GRID1: variants seen among roughly 807,000 people sequenced by gnomAD.
GRID1 encodes glutamate ionotropic receptor delta type subunit 1, also known as glutamate receptor ionotropic, delta-1.
A neutral mutation model predicts 98.0 loss-of-function variants in GRID1; 28 were observed. That is an observed-to-expected ratio of 0.29 (90% CI 0.21 to 0.39). The LOEUF (loss-of-function observed/expected upper bound fraction) is 0.39. Among genes scored for constraint, GRID1 ranks in the 10% least tolerant of loss-of-function variants. The pLI is 1.00. For synonymous variants in GRID1, 553 were observed against 538.5 expected (o/e 1.03, Z -0.37); for missense variants, 1,111 against 1,340.5 (o/e 0.83, Z 2.67).
chr10:86,332,047 C>T lies in GRID1; in HGVS notation c.235+31894G>A, dbSNP rs1203238696. 2.0e-5 allele frequency among the ~76,000 whole-genome samples: 3 copies of T among 152,218 alleles called. No individual in the cohort carries two copies. The East Asian group carries it at 5.8e-4, about 29-fold the overall frequency. ...GGCTCAGGGCACGCCTGCAACACCA[C>T]AGCACCTGCCAATGTGAGACCATTC... On this transcript the variant is annotated intron_variant, in intron 2 of 15. Coordinates refer to ENST00000327946, the MANE Select transcript of GRID1 (RefSeq NM_017551.3).
chr10:86,221,104 C>T (rs1846245619), intron 2 of GRID1, among the ~76,000 whole-genome samples: 1 of 152,188 alleles, frequency 6.6e-6, no homozygotes, highest in South Asian at 2.1e-4. Flanking sequence ...GGCCCTGGGA[C>T]GTTACCATCT....
At chr10:85,898,038 T>C (rs560776172) in intron 5 of GRID1, among the ~76,000 whole-genome samples, 3 of 152,276 alleles carry the variant, frequency 2.0e-5, no homozygotes, top group African/African-American at 4.8e-5. Context: ...GAGAACATCA[T>C]AGAGGGTACT....
intron 8 of GRID1, among the ~76,000 whole-genome samples, chr10:85,838,148 A>G (rs1020350647): frequency 1.3e-5 from 2 of 152,176 alleles, no homozygotes; most frequent in Non-Finnish European, 2.9e-5. Flanking sequence ...ACCATCAAGA[A>G]ATATGGGATT....
At position 85,655,408 on chromosome 10, in the gene GRID1, G is replaced by C. The variant is rs72841454; in HGVS notation, c.1998-8011C>G. On this transcript the variant is annotated intron_variant, in intron 12 of 15. Coordinates refer to ENST00000327946, the MANE Select transcript of GRID1 (RefSeq NM_017551.3). ...TGAGCTCCCCCAGGGAATGGACTCT[G>C]TGTCCATCTCTGAATTTCTATCACC... Among the ~76,000 whole-genome samples the C allele has an allele frequency of 6.6e-3, 1,003 of 152,310 alleles. 43 individuals carry two copies. In the East Asian group the frequency reaches 0.1, roughly 15 times the overall value.
intron 4 of GRID1, among the ~76,000 whole-genome samples, chr10:86,071,163 C>A (rs1773507004): frequency 6.6e-6 from 1 of 152,156 alleles, no homozygotes; most frequent in Non-Finnish European, 1.5e-5. Context: ...TGGAGAATGC[C>A]CCCGCTTCAC....
intron 2 of GRID1, among the ~76,000 whole-genome samples, chr10:86,330,958 C>T (rs918128754): frequency 5.9e-5 from 9 of 152,062 alleles, no homozygotes; most frequent in Non-Finnish European, 1.0e-4. Flanking sequence ...GGCCTGGAGG[C>T]CAGGACTAGT....
chr10:86,089,391 G>T (rs781002356), intron 4 of GRID1, among the ~76,000 whole-genome samples: 121 of 117,096 alleles, frequency 1.0e-3, no homozygotes, highest in Non-Finnish European at 1.6e-3. Context: ...TTGGAACCTG[G>T]AACCCTCATT....
intron 8 of GRID1, among the ~76,000 whole-genome samples, chr10:85,779,872 T>G (rs1221866162): frequency 6.6e-6 from 1 of 152,208 alleles, no homozygotes; most frequent in Non-Finnish European, 1.5e-5. Context: ...AGGCACCATG[T>G]GCAGGGAAGC....
intron 8 of GRID1, among the ~76,000 whole-genome samples, chr10:85,822,611 A>G (rs34762002): frequency 0.24 from 35,769 of 152,172 alleles, 4,501 homozygotes; most frequent in African/African-American, 0.31. Context: ...TAGTTCAACC[A>G]TTGTGGAAGT....
At chr10:85,685,948 A>T (rs1841264127) in intron 12 of GRID1, among the ~76,000 whole-genome samples, 1 of 152,164 alleles carries the variant, frequency 6.6e-6, no homozygotes, top group Admixed American at 6.5e-5. Flanking sequence ...TAAAGAAAAA[A>T]AAACTAAATG....
chr10:86,232,785 T>A (rs566625521), intron 2 of GRID1, among the ~76,000 whole-genome samples: 1 of 152,304 alleles, frequency 6.6e-6, no homozygotes, highest in Admixed American at 6.5e-5. Context: ...TATTTTTTTT[T>A]AAGAAACGAC....
intron 3 of GRID1, among the ~76,000 whole-genome samples, chr10:86,196,319 T>G (rs751007176): frequency 1.3e-5 from 2 of 152,032 alleles, no homozygotes; most frequent in Non-Finnish European, 2.9e-5. Flanking sequence ...ATCACAGGCC[T>G]TGTACCCAGC....
At chr10:86,338,834 A>G (rs1848268321) in intron 2 of GRID1, among the ~76,000 whole-genome samples, 1 of 152,294 alleles carries the variant, frequency 6.6e-6, no homozygotes, top group South Asian at 2.1e-4. Context: ...CTAGGATTAC[A>G]GGTGTGAGCC....
intron 2 of GRID1, among the ~76,000 whole-genome samples, chr10:86,299,487 C>A (rs1313338971): frequency 6.6e-6 from 1 of 150,922 alleles, no homozygotes; most frequent in Admixed American, 6.6e-5. Flanking sequence ...TCCCCCCTCG[C>A]CCCCCTCCCC....
chr10:86,157,281 C>T (rs1204166882), intron 3 of GRID1, among the ~76,000 whole-genome samples: 1 of 152,148 alleles, frequency 6.6e-6, no homozygotes, highest in Non-Finnish European at 1.5e-5. Flanking sequence ...CACAGAGGAA[C>T]AACTGAAGCC....
At chr10:85,976,117 A>C (rs1842469461) in intron 4 of GRID1, among the ~76,000 whole-genome samples, 1 of 152,144 alleles carries the variant, frequency 6.6e-6, no homozygotes, top group Admixed American at 6.5e-5. Flanking sequence ...ACATCTTTGT[A>C]CTATTCTCTT....
chr10:85,709,953 AT>A (rs1396116610), intron 12 of GRID1, among the ~76,000 whole-genome samples: 3 of 152,210 alleles, frequency 2.0e-5, no homozygotes, highest in Non-Finnish European at 2.9e-5. Flanking sequence ...TTGAAAAAAA[AT>A]ACCACAAAAC....
At chr10:86,137,749 G>A (rs774099257) in intron 4 of GRID1, among the ~76,000 whole-genome samples, 3 of 152,146 alleles carry the variant, frequency 2.0e-5, no homozygotes, top group South Asian at 4.1e-4. Flanking sequence ...GGCGTGATTC[G>A]GGGCCTGATT....
At chr10:86,085,801 C>G (rs1238019499) in intron 4 of GRID1, among the ~76,000 whole-genome samples, 4 of 152,092 alleles carry the variant, frequency 2.6e-5, no homozygotes. Context: ...CCCGTGGCAT[C>G]AAACCAGGAA....
Sources: allele counts gnomAD v4.1 joint callset (sites outside exome capture counted in the v4.1 genomes callset), GRCh38; gene constraint gnomAD v4.1.1; transcripts MANE v1.5; gene names NCBI Gene and HGNC (gene_info 2026-07-23, HGNC 2026-07-21).